Variants in FAM107B observed in about 807,000 individuals in gnomAD.
The protein encoded by FAM107B is protein FAM107B.
A neutral mutation model predicts 31.5 loss-of-function variants in FAM107B; 21 were observed. The observed-to-expected ratio is 0.67, with a 90% CI of 0.47 to 0.96. The LOEUF (loss-of-function observed/expected upper bound fraction) is 0.96, where lower values mean the gene tolerates loss of function less well. Among genes scored for constraint, FAM107B ranks in the 40% least tolerant of loss-of-function variants. FAM107B has a pLI of 0.00. For missense variants in FAM107B, 452 were observed against 377.1 expected (o/e 1.20, Z -1.64); for synonymous variants, 157 against 141.5 (o/e 1.11, Z -0.78).
intron 1 of FAM107B, among the ~76,000 whole-genome samples, chr10:14,762,754 TCACACACACACACACACACACACACA>T (rs35574582): frequency 9.5e-5 from 11 of 116,236 alleles, no homozygotes; most frequent in African/African-American, 3.7e-4. Flanking sequence ...AAACTCTGTC[TCACACACACACACACACACACACACA>T]CACACACACA....
At chr10:14,522,414 AT>A (rs57308938) in intron 3 of FAM107B, among the ~76,000 whole-genome samples, 1,751 of 141,504 alleles carry the variant, frequency 0.012, 22 homozygotes, top group African/African-American at 0.036. Context: ...CTAGCCCCTG[AT>A]TTTTTTTTTT....
intron 2 of FAM107B, among the ~76,000 whole-genome samples, chr10:14,564,816 G>A (rs1475360094): frequency 6.6e-6 from 1 of 152,192 alleles, no homozygotes; most frequent in Non-Finnish European, 1.5e-5. Flanking sequence ...TAACATTACA[G>A]ATATTTCTAA....
chr10:14,686,059 C>T, intron 1 of FAM107B, among the ~76,000 whole-genome samples: 1 of 152,168 alleles, frequency 6.6e-6, no homozygotes, highest in South Asian at 2.1e-4. Context: ...CTCCACCTAG[C>T]TCTGCCCTTG....
At chr10:14,620,881 T>G (rs889169872) in intron 2 of FAM107B, among the ~76,000 whole-genome samples, 1 of 152,250 alleles carries the variant, frequency 6.6e-6, no homozygotes, top group Non-Finnish European at 1.5e-5. Flanking sequence ...TGTTTTGTAC[T>G]TTCCAGCATA....
At chr10:14,570,013 C>A (rs1422671048) in intron 2 of FAM107B, among the ~76,000 whole-genome samples, 1 of 152,170 alleles carries the variant, frequency 6.6e-6, no homozygotes, top group African/African-American at 2.4e-5. Flanking sequence ...AAATCACTGT[C>A]ATGAGCCATA....
intron 1 of FAM107B, among the ~76,000 whole-genome samples, chr10:14,680,390 A>G (rs1027770677): frequency 5.9e-5 from 9 of 152,120 alleles, no homozygotes; most frequent in African/African-American, 2.2e-4. Flanking sequence ...CCAGACCAAC[A>G]TGGCGAAACC....
intron 1 of FAM107B, among the ~76,000 whole-genome samples, chr10:14,769,002 C>A (rs1309272992): frequency 6.6e-6 from 1 of 152,206 alleles, no homozygotes; most frequent in Non-Finnish European, 1.5e-5. Context: ...GCTAAGTGGA[C>A]AGTAACTACA....
chr10:14,614,340 G>A (rs1852799406), intron 2 of FAM107B, among the ~76,000 whole-genome samples: 1 of 151,974 alleles, frequency 6.6e-6, no homozygotes, highest in African/African-American at 2.4e-5. Flanking sequence ...GGGCGCTCTG[G>A]CATTTAGTGG....
chr10:14,604,363 G>T (rs1355671579), intron 2 of FAM107B: 4 of 530,220 alleles, frequency 7.5e-6, no homozygotes, highest in African/African-American at 6.2e-5. Context: ...CGGGGGCGGC[G>T]GCCCGGCCCG....
intron 2 of FAM107B, among the ~76,000 whole-genome samples, chr10:14,567,792 G>T (rs1417455189): frequency 1.3e-5 from 2 of 152,214 alleles, no homozygotes; most frequent in Non-Finnish European, 2.9e-5. Flanking sequence ...AGCTTCTGGT[G>T]AGTAGGATCT....
In FAM107B at chr10:14,519,467, T is replaced by C. The variant is rs113360464; in HGVS notation, c.*1723A>G. 6.6e-6 allele frequency: 1 copy of C among 152,154 alleles called. No homozygotes were observed. The highest frequency in any genetic ancestry group is 2.1e-4 in the South Asian group (1 of 4,834). 9.4% of individuals were successfully genotyped at this position (152,154 alleles called of 1,614,324 possible). A position where few individuals can be genotyped will look rare whatever the true frequency, so the allele number is the denominator to read the frequency against. On this transcript the variant is annotated 3_prime_UTR_variant, in exon 5 of 5. Coordinates refer to ENST00000181796, the MANE Select transcript of FAM107B (RefSeq NM_031453.4). Reference sequence around the variant, plus strand: ...CTCTCAAAAGAACGATGGGAAAAAATAGTTACCATTCCATTCTTCGAAACC... The same window carrying C: ...CTCTCAAAAGAACGATGGGAAAAAACAGTTACCATTCCATTCTTCGAAACC...
intron 2 of FAM107B, among the ~76,000 whole-genome samples, chr10:14,643,074 T>C (rs1364803027): frequency 6.6e-6 from 1 of 152,034 alleles, no homozygotes; most frequent in East Asian, 1.9e-4. Flanking sequence ...GTATTAGGTT[T>C]CTCCAGAAGA....
At chr10:14,768,836 T>A (rs531753710) in intron 1 of FAM107B, among the ~76,000 whole-genome samples, 1 of 152,332 alleles carries the variant, frequency 6.6e-6, no homozygotes, top group East Asian at 1.9e-4. Context: ...GCTCAAAGCT[T>A]ACAACTAAAT....
At chr10:14,675,019 A>T (rs992469632) in intron 1 of FAM107B, among the ~76,000 whole-genome samples, 1 of 152,138 alleles carries the variant, frequency 6.6e-6, no homozygotes, top group Non-Finnish European at 1.5e-5. Flanking sequence ...CCTTCTCTGC[A>T]CTGATTTAAG....
intron 2 of FAM107B, among the ~76,000 whole-genome samples, chr10:14,651,598 G>C (rs192367806): frequency 7.4e-4 from 113 of 152,172 alleles, no homozygotes; most frequent in African/African-American, 2.6e-3. Context: ...GTGAAACCCC[G>C]TCTCAAAAAA....
chr10:14,590,544 C>G (rs560263003), intron 2 of FAM107B, among the ~76,000 whole-genome samples: 1 of 152,170 alleles, frequency 6.6e-6, no homozygotes, highest in Non-Finnish European at 1.5e-5. Flanking sequence ...CAGCCTGGTG[C>G]TGATGGAGCA....
At chr10:14,575,441 G>C (rs1851435754) in intron 2 of FAM107B, among the ~76,000 whole-genome samples, 1 of 152,106 alleles carries the variant, frequency 6.6e-6, no homozygotes, top group African/African-American at 2.4e-5. Context: ...GACCTCAAGA[G>C]ATCTGCCCGC....
chr10:14,618,874 G>A (rs971140455), intron 2 of FAM107B, among the ~76,000 whole-genome samples: 3 of 152,034 alleles, frequency 2.0e-5, no homozygotes, highest in African/African-American at 7.3e-5. Flanking sequence ...ATTAAGATGA[G>A]GTCATATTGG....
intron 2 of FAM107B, among the ~76,000 whole-genome samples, chr10:14,625,260 G>A (rs1262969815): frequency 1.3e-4 from 4 of 31,106 alleles, no homozygotes; most frequent in Admixed American, 2.5e-4. Context: ...GTGTGCGTGC[G>A]TGTGTGTGTG....
Sources: gnomAD v4.1 joint callset for allele counts (sites outside exome capture counted in the v4.1 genomes callset) on GRCh38, gnomAD v4.1.1 for gene constraint, MANE v1.5 for transcripts, NCBI Gene and HGNC (gene_info 2026-07-23, HGNC 2026-07-21) for gene names.